C2CD3: variants seen among roughly 807,000 people sequenced by gnomAD.
C2CD3 encodes C2 domain-containing protein 3.
In C2CD3, 148 loss-of-function variants were observed where a neutral mutation model predicts 234.0. The observed-to-expected ratio is 0.63, with a 90% CI of 0.55 to 0.72. The LOEUF (loss-of-function observed/expected upper bound fraction) is 0.72, where lower values mean the gene tolerates loss of function less well. Among genes scored for constraint, C2CD3 ranks in the 30% least tolerant of loss-of-function variants. The pLI is 0.00. For missense variants in C2CD3, 2,577 were observed against 2,811.5 expected, an observed-to-expected ratio of 0.92 and a Z score of 1.89; for synonymous variants, 1,000 against 1,035.4, an observed-to-expected ratio of 0.97 and a Z score of 0.66.
chr11:74,064,562 A>G (rs1954414747), intron 24 of C2CD3, among the ~76,000 whole-genome samples: 1 of 152,216 alleles, frequency 6.6e-6, no homozygotes, highest in Non-Finnish European at 1.5e-5. Context: ...ACAGAATTGG[A>G]AAAAACTACT....
At chr11:74,054,507 G>GAAA (rs869085401) in intron 26 of C2CD3, 100 bp downstream of exon 26, 1,142 of 274,722 alleles carry the variant, frequency 4.2e-3, no homozygotes, top group South Asian at 9.7e-3. Flanking sequence ...ACTTGGTTTG[G>GAAA]AAAAAAAAAA....
At chr11:74,103,001 C>A in intron 14 of C2CD3, 130 bp downstream of exon 14, 2 of 874,006 alleles carry the variant, frequency 2.3e-6, no homozygotes, top group Non-Finnish European at 3.6e-6. Flanking sequence ...GGGACTGAAT[C>A]TGTACACCAG....
intron 31 of C2CD3, among the ~76,000 whole-genome samples, chr11:74,031,952 C>A (rs946200662): frequency 2.0e-5 from 3 of 152,220 alleles, no homozygotes; most frequent in Admixed American, 6.5e-5. Flanking sequence ...CTCTCCCACC[C>A]CTAGGTTTTT....
chr11:74,080,749 G>C (rs1321021491), intron 22 of C2CD3, among the ~76,000 whole-genome samples: 1 of 152,096 alleles, frequency 6.6e-6, no homozygotes, highest in Non-Finnish European at 1.5e-5. Context: ...CTGTAGCTAA[G>C]TTATAGAAGG....
rs537948145 is a variant in C2CD3, at chr11:74,028,712, T to A, written c.6810-314A>T. 7.9e-5 allele frequency among the ~76,000 whole-genome samples: 12 copies of A among 152,340 alleles called. No individual in the cohort carries two copies. The East Asian group carries it at 2.3e-3, about 29-fold the overall frequency. ...CACAGGAGAATGCTTAATTATTTAG[T>A]CTGATATGATTATTTTCCTCAATCT... On this transcript the variant is annotated intron_variant, in intron 31 of 32. Transcript: ENST00000334126.
intron 3 of C2CD3, among the ~76,000 whole-genome samples, chr11:74,150,057 T>G (rs1855493231): frequency 6.6e-6 from 1 of 152,152 alleles, no homozygotes; most frequent in Non-Finnish European, 1.5e-5. Flanking sequence ...TATAGAATCT[T>G]GTTTTTGTTT....
rs1236911583 is a variant in C2CD3 at position 74,114,423 on chromosome 11, T to C, written c.1691A>G (p.Tyr564Cys). The change falls in exon 10 of 33, where the codon TAT (tyrosine) becomes TGT (cysteine). Residue 564 changes from tyrosine to cysteine, a missense_variant. Coordinates refer to ENST00000334126, the MANE Select transcript of C2CD3 (RefSeq NM_001286577.2). ...AGTCACCTTAGGTGGTGGACCAGCA[T>C]AGCTTTTTTTGCCAGGGGTCATCTG... is the stretch of plus-strand genomic sequence containing the variant. ...SPQMTPGKKS[Y>C]AGPPPKVTTA... 6 of 1,613,982 alleles carry C rather than the reference T, an allele frequency of 3.7e-6. No homozygotes were observed. The highest frequency in any genetic ancestry group is 1.7e-5 in the Admixed American group (1 of 59,980).
intron 24 of C2CD3, among the ~76,000 whole-genome samples, chr11:74,063,258 A>G (rs1954336767): frequency 6.6e-6 from 1 of 152,244 alleles, no homozygotes; most frequent in Admixed American, 6.5e-5. Flanking sequence ...AAAAGAGGGA[A>G]TCTTCCCTAA....
chr11:74,107,595 C>T (rs1030380028), intron 12 of C2CD3, among the ~76,000 whole-genome samples: 1 of 151,706 alleles, frequency 6.6e-6, no homozygotes, highest in Non-Finnish European at 1.5e-5. Context: ...CCTTCAAATA[C>T]AAAATTATGT....
At chr11:74,079,947 G>A (rs1296845219) in intron 22 of C2CD3, among the ~76,000 whole-genome samples, 1 of 152,114 alleles carries the variant, frequency 6.6e-6, no homozygotes, top group African/African-American at 2.4e-5. Flanking sequence ...GGTCTCTACT[G>A]CAGCTACTCA....
chr11:74,031,957 G>C (rs766100034), intron 31 of C2CD3, among the ~76,000 whole-genome samples: 2 of 152,152 alleles, frequency 1.3e-5, no homozygotes, highest in Non-Finnish European at 2.9e-5. Context: ...CCACCCCTAG[G>C]TTTTTCTCTG....
chr11:74,023,688 T>TC (rs35618021), intron 32 of C2CD3, among the ~76,000 whole-genome samples: 8,917 of 152,124 alleles, frequency 0.059, 813 homozygotes, highest in African/African-American at 0.19. Flanking sequence ...TCCTGTGTCT[T>TC]CCCCTTCTCC....
chr11:74,084,045 A>G (rs1360074732), intron 22 of C2CD3, among the ~76,000 whole-genome samples: 1 of 152,204 alleles, frequency 6.6e-6, no homozygotes, highest in Non-Finnish European at 1.5e-5. Flanking sequence ...AACCAACCCA[A>G]ATATCCATCA....
intron 24 of C2CD3, 23 bp from the exon 25 acceptor site, chr11:74,057,567 G>A: frequency 6.2e-7 from 1 of 1,612,140 alleles, no homozygotes. Flanking sequence ...AAAGTGCAGT[G>A]ACTGTACTTT....
intron 1 of C2CD3, 57 bp from the exon 2 acceptor site, chr11:74,168,670 T>A (rs191928332): frequency 6.8e-7 from 1 of 1,461,822 alleles, no homozygotes; most frequent in African/African-American, 1.4e-5. Context: ...AGAAAACATA[T>A]AATATGCTTT....
At chr11:74,092,796 C>T (rs528620184) in intron 18 of C2CD3, among the ~76,000 whole-genome samples, 1 of 152,128 alleles carries the variant, frequency 6.6e-6, no homozygotes, top group Non-Finnish European at 1.5e-5. Flanking sequence ...CAAAGCCTAG[C>T]TTCCCTCAAG....
At chr11:74,097,921 C>T (rs933100493) in intron 16 of C2CD3, 88 bp downstream of exon 16, 3 of 1,331,072 alleles carry the variant, frequency 2.3e-6, no homozygotes, top group African/African-American at 2.9e-5. Flanking sequence ...CCTTTCATTA[C>T]AGAAATAAAG....
chr11:74,073,655 A>G (rs565580936), intron 24 of C2CD3, among the ~76,000 whole-genome samples: 2 of 152,190 alleles, frequency 1.3e-5, no homozygotes, highest in African/African-American at 4.8e-5. Context: ...CAAAGAAATC[A>G]TAGTTATAAG....
chr11:74,087,043 GTA>G (rs759455629), intron 20 of C2CD3, among the ~76,000 whole-genome samples: 16 of 152,158 alleles, frequency 1.1e-4, no homozygotes, highest in Non-Finnish European at 1.2e-4. Flanking sequence ...ACATAAGATA[GTA>G]TATAAATACT....
Sources: allele counts gnomAD v4.1 joint callset (sites outside exome capture counted in the v4.1 genomes callset), GRCh38; gene constraint gnomAD v4.1.1; transcripts MANE v1.5; gene names NCBI Gene and HGNC (gene_info 2026-07-23, HGNC 2026-07-21).